The following YAP1 variants were observed in gnomAD, a reference collection of about 807,000 sequenced individuals.
YAP1 encodes the protein Yes1 associated transcriptional regulator.
A neutral mutation model predicts 56.9 loss-of-function variants in YAP1; 5 were observed. That is an observed-to-expected ratio of 0.09 (90% CI 0.05 to 0.18). The LOEUF is 0.18. YAP1 is among the 10% of genes least tolerant of loss of function. YAP1 has a pLI of 1.00. For missense variants in YAP1, 539 were observed against 651.8 expected, an observed-to-expected ratio of 0.83 and a Z score of 1.88; for synonymous variants, 265 against 248.1, an observed-to-expected ratio of 1.07 and a Z score of -0.64.
At chr11:102,193,396 A>G (rs1017139889) in intron 4 of YAP1, among the ~76,000 whole-genome samples, 11 of 152,132 alleles carry the variant, frequency 7.2e-5, no homozygotes, top group African/African-American at 2.2e-4. Context: ...TCTGTCCAGT[A>G]TGTCTCAACT....
At chr11:102,115,608 T>TTA in intron 2 of YAP1, among the ~76,000 whole-genome samples, 1 of 151,940 alleles carries the variant, frequency 6.6e-6, no homozygotes, top group Non-Finnish European at 1.5e-5. Flanking sequence ...TCTTTTTTTT[T>TTA]AAAAAAATTC....
At chr11:102,171,763 T>A (rs555095844) in intron 3 of YAP1, among the ~76,000 whole-genome samples, 43 of 152,330 alleles carry the variant, frequency 2.8e-4, no homozygotes, top group African/African-American at 9.9e-4. Context: ...AGTTTCATAG[T>A]TTTACCTTGA....
intron 2 of YAP1, among the ~76,000 whole-genome samples, chr11:102,160,678 T>C (rs1376904770): frequency 1.0e-5 from 1 of 98,874 alleles, no homozygotes; most frequent in Admixed American, 1.2e-4. Context: ...TTTTTATTCC[T>C]GGTAATGCCA....
intron 2 of YAP1, among the ~76,000 whole-genome samples, chr11:102,124,761 G>A (rs1227003287): frequency 2.0e-5 from 3 of 151,924 alleles, no homozygotes; most frequent in Admixed American, 6.6e-5. Flanking sequence ...GGAGGGGGGC[G>A]GTCTCACTCT....
rs190177741 is a variant in YAP1, at chr11:102,226,389, T to C, written c.1164-1080T>C. On this transcript the variant is annotated intron_variant, in intron 7 of 8. Coordinates refer to ENST00000282441, the MANE Select transcript of YAP1 (RefSeq NM_001130145.3). ...TAGGGAAGGCAGTTGGGGTATTGAC[T>C]GAGCTTTTAGCCTTGAGCAATTGTT... 8.0e-4 allele frequency among the ~76,000 whole-genome samples: 122 copies of C among 152,368 alleles called. 1 individual carries two copies. The Middle Eastern group carries it at 0.01, about 13-fold the overall frequency.
chr11:102,168,829 A>G (rs978900246), intron 3 of YAP1, among the ~76,000 whole-genome samples: 4 of 152,250 alleles, frequency 2.6e-5, no homozygotes, highest in Non-Finnish European at 5.9e-5. Context: ...TGAGAGAGCT[A>G]GAAAATAGAT....
chr11:102,148,865 A>T (rs1945471228), intron 2 of YAP1, among the ~76,000 whole-genome samples: 2 of 152,224 alleles, frequency 1.3e-5, no homozygotes, highest in Non-Finnish European at 2.9e-5. Flanking sequence ...ACCGATTGAT[A>T]ACTTATTGGC....
At chr11:102,115,378 T>G (rs1232562489) in intron 2 of YAP1, among the ~76,000 whole-genome samples, 1 of 152,204 alleles carries the variant, frequency 6.6e-6, no homozygotes, top group African/African-American at 2.4e-5. Flanking sequence ...AAATGTAACA[T>G]TTATTTATCA....
At chr11:102,112,565 A>G in intron 1 of YAP1, 2 of 984,540 alleles carry the variant, frequency 2.0e-6, no homozygotes, top group Non-Finnish European at 2.4e-6. Flanking sequence ...AAGAAGAGTT[A>G]CCGCCCCCAC....
chr11:102,196,285 TAATA>T (rs1188949556), intron 4 of YAP1, among the ~76,000 whole-genome samples: 3 of 152,176 alleles, frequency 2.0e-5, no homozygotes, highest in African/African-American at 7.2e-5. Context: ...TATTATTTTA[TAATA>T]AATAGCCAAA....
chr11:102,131,893 T>A (rs1410652281), intron 2 of YAP1, among the ~76,000 whole-genome samples: 1 of 152,122 alleles, frequency 6.6e-6, no homozygotes, highest in Non-Finnish European at 1.5e-5. Flanking sequence ...ATTAAATGAG[T>A]AAGAAATTCT....
At chr11:102,202,930 C>T (rs1948948251) in intron 4 of YAP1, among the ~76,000 whole-genome samples, 1 of 152,076 alleles carries the variant, frequency 6.6e-6, no homozygotes, top group Non-Finnish European at 1.5e-5. Flanking sequence ...TTACAGCAAA[C>T]CAAGAAATGG....
At position 102,233,029 on chromosome 11, in the gene YAP1, T is replaced by A. The variant is rs1950481887; in HGVS notation, c.*3089T>A. The A allele has an allele frequency of 6.6e-6, 1 of 152,200 alleles. No homozygotes were observed. Among genetic ancestry groups the A allele is most frequent in the Non-Finnish European group, 1.5e-5 (1 of 68,028 alleles). The allele number at this position is 152,200 out of a possible 1,614,324, so 9.4% of individuals were successfully genotyped here. ...TTGTGTAATTCAGAATTCATACCAATCAGTGTTGAAACTCAAACATTGCAA... is the reference window on the plus strand; with the variant it reads ...TTGTGTAATTCAGAATTCATACCAAACAGTGTTGAAACTCAAACATTGCAA... On this transcript the variant is annotated 3_prime_UTR_variant, in exon 9 of 9. Transcript: ENST00000282441.
intron 2 of YAP1, among the ~76,000 whole-genome samples, chr11:102,127,421 G>A (rs894040221): frequency 6.6e-6 from 1 of 152,354 alleles, no homozygotes; most frequent in Admixed American, 6.5e-5. Context: ...TCAGGCTGTG[G>A]CTTCAGAGGT....
At chr11:102,167,874 TTAAAAA>T (rs969734548) in intron 3 of YAP1, among the ~76,000 whole-genome samples, 4 of 151,988 alleles carry the variant, frequency 2.6e-5, no homozygotes, top group South Asian at 2.1e-4. Context: ...CCCATCTGTA[TTAAAAA>T]TAAAAATAAA....
intron 2 of YAP1, among the ~76,000 whole-genome samples, chr11:102,151,892 A>C (rs145896144): frequency 6.6e-6 from 1 of 152,080 alleles, no homozygotes; most frequent in Non-Finnish European, 1.5e-5. Flanking sequence ...TTATGTACAG[A>C]GTGAGGGAGG....
In YAP1 at chr11:102,173,292, G is replaced by C. The variant is rs192551462; in HGVS notation, c.688+10721G>C. On this transcript the variant is annotated intron_variant, in intron 3 of 8. Coordinates refer to ENST00000282441, the MANE Select transcript of YAP1 (RefSeq NM_001130145.3). ...ATGAGACTGAAGACCACCTCAGAAT[G>C]GCTTTGTGTCATAAGCTAAGAAGTT... 3.0e-3 allele frequency among the ~76,000 whole-genome samples: 457 copies of C among 152,204 alleles called. 2 individuals are homozygous for C. The highest frequency in any genetic ancestry group is 7.1e-3 in the Admixed American group (109 of 15,292).
chr11:102,169,490 G>A (rs1288106489), intron 3 of YAP1, among the ~76,000 whole-genome samples: 2 of 152,062 alleles, frequency 1.3e-5, no homozygotes, highest in Non-Finnish European at 1.5e-5. Context: ...CACAATATAT[G>A]GGAAAAGACT....
In YAP1 at chr11:102,233,312, TAA is replaced by T. The variant is rs1950489545; in HGVS notation, c.*3373_*3374del. 1 of 152,246 alleles carries T rather than the reference TAA, an allele frequency of 6.6e-6. No homozygotes were observed. The highest frequency in any genetic ancestry group is 1.5e-5 in the Non-Finnish European group (1 of 68,038). The allele number at this position is 152,246 out of a possible 1,614,324, so 9.4% of individuals were successfully genotyped here. On this transcript the variant is annotated 3_prime_UTR_variant, in exon 9 of 9. Transcript: ENST00000282441. ...ACCTTTTTATTTTTTGTTTTAGATG[TAA>T]GAGCATGCTCATATGTTAGGTACTT...
Sources: allele counts gnomAD v4.1 joint callset (sites outside exome capture counted in the v4.1 genomes callset), GRCh38; gene constraint gnomAD v4.1.1; transcripts MANE v1.5; gene names NCBI Gene and HGNC (gene_info 2026-07-23, HGNC 2026-07-21).